FCRL5: variants seen among roughly 807,000 people sequenced by gnomAD.
The protein encoded by FCRL5 is Fc receptor-like protein 5.
Under a neutral mutation model 92.1 loss-of-function variants are expected in FCRL5, and 79 were observed. The observed-to-expected ratio is 0.86, with a 90% CI of 0.72 to 1.03. The LOEUF is 1.03. FCRL5 is among the 50% of genes least tolerant of loss of function. The pLI is 0.00. For missense variants in FCRL5, 1,160 were observed against 1,181.1 expected, an observed-to-expected ratio of 0.98 and a Z score of 0.26; for synonymous variants, 466 against 469.3, an observed-to-expected ratio of 0.99 and a Z score of 0.09.
chr1:157,550,307 C>CT (rs906793031), intron 1 of FCRL5, among the ~76,000 whole-genome samples: 1 of 152,132 alleles, frequency 6.6e-6, no homozygotes, highest in Non-Finnish European at 1.5e-5. Context: ...ATGGAGCACT[C>CT]TGTCAGTGGA....
intron 3 of FCRL5, among the ~76,000 whole-genome samples, chr1:157,545,835 C>A (rs572194732): frequency 6.6e-5 from 10 of 152,138 alleles, no homozygotes; most frequent in Non-Finnish European, 1.0e-4. Flanking sequence ...GCCAGGTATT[C>A]TTTTTCTAAA....
intron 12 of FCRL5, among the ~76,000 whole-genome samples, chr1:157,519,988 C>A (rs1157614728): frequency 6.6e-6 from 1 of 152,164 alleles, no homozygotes; most frequent in African/African-American, 2.4e-5. Flanking sequence ...AATCCGTAAT[C>A]CTTTAACCTG....
At chr1:157,550,410 T>A (rs1419251074) in intron 1 of FCRL5, among the ~76,000 whole-genome samples, 1 of 152,102 alleles carries the variant, frequency 6.6e-6, no homozygotes, top group Non-Finnish European at 1.5e-5. Context: ...GGCACCAGAC[T>A]CCAGGCTATA....
intron 8 of FCRL5, among the ~76,000 whole-genome samples, chr1:157,529,243 T>C (rs959207388): frequency 6.6e-6 from 1 of 152,044 alleles, no homozygotes; most frequent in Non-Finnish European, 1.5e-5. Context: ...AAAACCACAA[T>C]GCGATACCAC....
At position 157,539,134 on chromosome 1, in the gene FCRL5, T is replaced by C. The variant is rs1651119850; in HGVS notation, c.1354A>G (p.Asn452Asp). ...HSGNYYCTAD[N>D]GFGPQRSKAV... ...TTACTGCGCTGGGGGCCAAAGCCAT[T>C]GTCAGCTGTGCAGTAGTAGTTCCCT... is the stretch of plus-strand genomic sequence containing the variant. Residue 452 changes from asparagine (N) to aspartate (D), a missense_variant, in exon 7 of 17, where the codon AAT becomes GAT. Physicochemically the swap from Asn to Asp is conservative, Grantham distance 23. Transcript: ENST00000361835. 1 of 1,614,174 alleles carries C rather than the reference T, an allele frequency of 6.2e-7. No individual in the cohort carries two copies. The highest frequency in any genetic ancestry group is 1.1e-5 in the South Asian group (1 of 91,078).
At chr1:157,533,151 A>G (rs560265452) in intron 8 of FCRL5, 18 of 152,146 alleles carry the variant, frequency 1.2e-4, no homozygotes, top group African/African-American at 4.3e-4. Flanking sequence ...AAAGTCAATA[A>G]CGTCATCAAC....
rs1651426182 is a variant in FCRL5 at position 157,544,446 on chromosome 1, T to C, written c.660A>G (p.Ser220=). ...AGAAGCGGAACCGGAGCGGGACATC[T>C]GACCTCTCTAGAGAGAGCTGGGTCT... The part of the protein sequence containing the change: ...TCETQLSLER[S]DVPLRFRFFR... The change falls in exon 5 of 17, where the codon TCA becomes TCG. Residue 220 remains serine, a synonymous_variant. Transcript: ENST00000361835. 8 of 1,614,110 alleles carry C rather than the reference T, an allele frequency of 5.0e-6. No homozygotes were observed. Among genetic ancestry groups the C allele is most frequent in the Non-Finnish European group, 6.8e-6 (8 of 1,180,046 alleles).
chr1:157,524,490 C>T lies in FCRL5; in HGVS notation c.2028G>A (p.Leu676=). 6.2e-7 allele frequency: 1 copy of T among 1,614,152 alleles called. No homozygotes were observed. Among genetic ancestry groups the T allele is most frequent in the Non-Finnish European group, 8.5e-7 (1 of 1,179,966 alleles). ...CTCTCAGGGCCTCACAGTGAAGCTC[C>T]AGCAGGTCCCCCACCACAGCCTGGG... ...PRAQAVVGDL[L]ELHCEALRGS... Residue 676 remains leucine (L), a synonymous_variant, in exon 10 of 17, where the codon CTG becomes CTA. Coordinates refer to ENST00000361835, the MANE Select transcript of FCRL5 (RefSeq NM_031281.3).
At position 157,520,373 on chromosome 1, in the gene FCRL5, A is replaced by G. The variant is rs1415427797; in HGVS notation, c.2632+58T>C. 1.2e-5 allele frequency: 15 copies of G among 1,239,142 alleles called. No homozygotes were observed. The African/African-American group carries it at 1.3e-4, about 11-fold the overall frequency. 76.8% of individuals were successfully genotyped at this position (1,239,142 alleles called of 1,614,324 possible). A position where few individuals can be genotyped will look rare whatever the true frequency, so the allele number is the denominator to read the frequency against. ...GGTCACAAAGGCAGCATGAAGCCCA[A>G]GGGAGCGTTGCTGGGAAGGGCATGA... is the stretch of plus-strand genomic sequence containing the variant. On this transcript the variant is annotated intron_variant, in intron 12 of 16. Coordinates refer to ENST00000361835, the MANE Select transcript of FCRL5 (RefSeq NM_031281.3).
At chr1:157,535,183 G>T (rs1485876390) in intron 7 of FCRL5, among the ~76,000 whole-genome samples, 1 of 152,134 alleles carries the variant, frequency 6.6e-6, no homozygotes, top group Non-Finnish European at 1.5e-5. Flanking sequence ...AAAATTCCTT[G>T]TCTTGCCACC....
intron 13 of FCRL5, among the ~76,000 whole-genome samples, 172 bp downstream of exon 13, chr1:157,519,571 G>A (rs746705502): frequency 3.3e-5 from 5 of 152,168 alleles, no homozygotes; most frequent in Non-Finnish European, 7.3e-5. Context: ...TGGGTGCAAA[G>A]GTCCTGGGAA....
intron 15 of FCRL5, 138 bp from the exon 16 acceptor site, chr1:157,516,011 G>A (rs1649913557): frequency 1.1e-6 from 1 of 906,854 alleles, no homozygotes; most frequent in Non-Finnish European, 1.8e-6. Flanking sequence ...CTCTTAGTTG[G>A]TGCTCACCCA....
rs1314978871 is a variant in FCRL5 at position 157,518,694 on chromosome 1, C to T, written c.2743+6G>A. ...TTCTGCCAAATGCAGGATCCTCGGGCCTCACCATTAGTGTACACTGGTTGC... is the reference window on the plus strand; with the variant it reads ...TTCTGCCAAATGCAGGATCCTCGGGTCTCACCATTAGTGTACACTGGTTGC... On this transcript the variant is annotated splice_donor_region_variant and intron_variant, in intron 14 of 16. Coordinates refer to ENST00000361835, the MANE Select transcript of FCRL5 (RefSeq NM_031281.3). 1 of 1,608,452 alleles carries T rather than the reference C, an allele frequency of 6.2e-7. No individual in the cohort carries two copies. The highest frequency in any genetic ancestry group is 8.5e-7 in the Non-Finnish European group (1 of 1,177,906).
chr1:157,520,960 A>C, intron 11 of FCRL5, 57 bp downstream of exon 11: 1 of 1,543,116 alleles, frequency 6.5e-7, no homozygotes, highest in Non-Finnish European at 8.7e-7. Context: ...GGGTTATCAG[A>C]GGGTCCGCGG....
At chr1:157,520,862 A>G (rs1650150231) in intron 11 of FCRL5, among the ~76,000 whole-genome samples, 155 bp downstream of exon 11, 1 of 152,244 alleles carries the variant, frequency 6.6e-6, no homozygotes, top group African/African-American at 2.4e-5. Flanking sequence ...CCATCACTTC[A>G]GAAGCACTTC....
At chr1:157,518,628 C>G in intron 14 of FCRL5, 72 bp downstream of exon 14, 1 of 1,486,988 alleles carries the variant, frequency 6.7e-7, no homozygotes, top group South Asian at 1.2e-5. Flanking sequence ...TAGTCCCTCC[C>G]CATCTCCTGC....
At chr1:157,524,613 T>G (rs1161688469) in intron 9 of FCRL5, 56 bp from the exon 10 acceptor site, 2 of 1,496,244 alleles carry the variant, frequency 1.3e-6, no homozygotes, top group South Asian at 1.3e-5. Flanking sequence ...TATTCCTTCA[T>G]GCTAAAGACA....
intron 7 of FCRL5, among the ~76,000 whole-genome samples, chr1:157,535,095 T>C (rs1650907567): frequency 6.6e-6 from 1 of 152,136 alleles, no homozygotes; most frequent in Admixed American, 6.5e-5. Flanking sequence ...AGGAGACCAA[T>C]ACTCTCTTCT....
chr1:157,519,976 A>G (rs1650102397), intron 12 of FCRL5, among the ~76,000 whole-genome samples: 1 of 152,230 alleles, frequency 6.6e-6, no homozygotes, highest in African/African-American at 2.4e-5. Context: ...ACGGGAGTCC[A>G]CAATCCGTAA....
Sources: allele counts gnomAD v4.1 joint callset (sites outside exome capture counted in the v4.1 genomes callset), GRCh38; gene constraint gnomAD v4.1.1; transcripts MANE v1.5; gene names NCBI Gene and HGNC (gene_info 2026-07-23, HGNC 2026-07-21).